YTHDC1: variants seen among roughly 807,000 people sequenced by gnomAD.
YTHDC1 encodes YTH N6-methyladenosine RNA binding protein C1, also known as YTH domain-containing protein 1.
In YTHDC1, 12 loss-of-function variants were observed where a neutral mutation model predicts 107.0. That is an observed-to-expected ratio of 0.11 (90% CI 0.07 to 0.18). YTHDC1 has a LOEUF of 0.18. Ranked by LOEUF, YTHDC1 falls within the 10% of genes least tolerant of loss-of-function variation. YTHDC1 has a pLI of 1.00. For missense variants in YTHDC1, 635 were observed against 898.8 expected, an observed-to-expected ratio of 0.71 and a Z score of 3.75; for synonymous variants, 280 against 289.5, an observed-to-expected ratio of 0.97 and a Z score of 0.33.
chr4:68,318,574 T>C lies in YTHDC1; in HGVS notation c.1769A>G (p.Asn590Ser), dbSNP rs1242869594. The change falls in exon 15 of 17, where the codon AAT becomes AGT. Residue 590 changes from asparagine to serine, a missense_variant. This residue lies in a region of YTHDC1 where 256 missense variants were observed against 372.9 expected (regional missense o/e 0.69). Coordinates refer to ENST00000344157, the MANE Select transcript of YTHDC1 (RefSeq NM_001031732.4). ...RRDVFLNGSY[N>S]DYVREFHNMG... ...GTTATGAAATTCCCTCACATAATCA[T>C]TGTAGGACTAAAATAAAAGATGATA... 2.5e-6 allele frequency: 4 copies of C among 1,612,944 alleles called. No homozygotes were observed. Among genetic ancestry groups the C allele is most frequent in the Non-Finnish European group, 3.4e-6 (4 of 1,179,554 alleles).
chr4:68,322,645 TTC>T lies in YTHDC1; in HGVS notation c.1601+102_1601+103del, dbSNP rs1169414896. On this transcript the variant is annotated intron_variant, in intron 11 of 16. Transcript: ENST00000344157. The surrounding 1 kb of genome is among the most constrained non-coding windows in gnomAD (Gnocchi z 4.8). ...GTCCATGCAGCTTGATTTGAGGATTTTCTCTTTCTTCTTTACCGCAGGACAAA... is the reference window on the plus strand; with the variant it reads ...GTCCATGCAGCTTGATTTGAGGATTTTCTTTCTTCTTTACCGCAGGACAAA... 2.6e-5 allele frequency: 35 copies of T among 1,371,840 alleles called. No homozygotes were observed. Among genetic ancestry groups the T allele is most frequent in the Non-Finnish European group, 3.0e-5 (31 of 1,022,256 alleles). 85.0% of individuals were successfully genotyped at this position (1,371,840 alleles called of 1,614,324 possible).
intron 5 of YTHDC1, 117 bp from the exon 6 acceptor site, chr4:68,332,964 C>A: frequency 9.6e-6 from 8 of 832,146 alleles, no homozygotes; most frequent in South Asian, 1.7e-5. Context: ...CCTGGCGCAC[C>A]CACACACACA....
chr4:68,340,315 T>C (rs1345914230), intron 1 of YTHDC1, among the ~76,000 whole-genome samples: 3 of 152,080 alleles, frequency 2.0e-5, no homozygotes, highest in Non-Finnish European at 4.4e-5. Flanking sequence ...AAAATTACTA[T>C]GTCTGGAATA....
chr4:68,350,017 G>A lies in YTHDC1; in HGVS notation c.-264C>T, dbSNP rs1316514196. ...TCGGGCTAGGTATGGGGGAGGGAAG[G>A]GAAACAGATGGCGACGGCGGGCGGC... On this transcript the variant is annotated 5_prime_UTR_variant, in exon 1 of 17. Coordinates refer to ENST00000344157, the MANE Select transcript of YTHDC1 (RefSeq NM_001031732.4). 1.2e-5 allele frequency: 7 copies of A among 564,926 alleles called. No homozygotes were observed. Among genetic ancestry groups the A allele is most frequent in the South Asian group, 4.5e-5 (2 of 44,894 alleles). The allele number at this position is 564,926 out of a possible 1,614,324, so 35.0% of individuals were successfully genotyped here.
intron 1 of YTHDC1, 101 bp downstream of exon 1, chr4:68,349,625 T>TG: frequency 2.5e-6 from 1 of 402,658 alleles, no homozygotes; most frequent in Non-Finnish European, 4.9e-6. Context: ...CCAGCTAACC[T>TG]CCCCAACCCC....
At chr4:68,318,642 T>G in intron 14 of YTHDC1, 48 bp downstream of exon 14, 1 of 1,610,070 alleles carries the variant, frequency 6.2e-7, no homozygotes, top group Non-Finnish European at 8.5e-7. Flanking sequence ...GCAAAATAAA[T>G]CAGAGCCTGA....
chr4:68,349,527 G>T (rs898833587), intron 1 of YTHDC1, among the ~76,000 whole-genome samples, 199 bp downstream of exon 1: 1 of 151,932 alleles, frequency 6.6e-6, no homozygotes, highest in Non-Finnish European at 1.5e-5. Context: ...TGAAGTGCTA[G>T]GCCATATGGA....
Position 68,337,784 on chromosome 4 carries a change from T to G in YTHDC1, c.247A>C (p.Arg83=). 9 of 1,614,176 alleles carry G rather than the reference T, an allele frequency of 5.6e-6. No individual in the cohort carries two copies. The highest frequency in any genetic ancestry group is 7.6e-6 in the Non-Finnish European group (9 of 1,180,034). The change falls in exon 3 of 17, where the codon AGA becomes CGA. Residue 83 remains arginine (R), a synonymous_variant. Transcript: ENST00000344157. ...GACTTTCCTTTTGTACTAACTATTC[T>G]TTTGTTATTGCTAACAGATGAGCTC... ...PLSSSVSNNK[R]IVSTKGKSAT... is the part of the protein sequence containing the mutation.
chr4:68,330,131 A>G lies in YTHDC1; in HGVS notation c.1232-12T>C, dbSNP rs771526054. 2.1e-5 allele frequency: 33 copies of G among 1,601,656 alleles called. No individual in the cohort carries two copies. The highest frequency in any genetic ancestry group is 2.4e-5 in the Non-Finnish European group (28 of 1,170,212). ...AAGTCTTGCAAACCCTAAGAGAATCATATCATAATATAATATGTAGATGCT... is the reference window on the plus strand; with the variant it reads ...AAGTCTTGCAAACCCTAAGAGAATCGTATCATAATATAATATGTAGATGCT... On this transcript the variant is annotated splice_polypyrimidine_tract_variant and intron_variant, in intron 8 of 16. Transcript: ENST00000344157.
At chr4:68,319,968 C>A (rs1489533774) in intron 12 of YTHDC1, among the ~76,000 whole-genome samples, 155 bp downstream of exon 12, 3 of 152,086 alleles carry the variant, frequency 2.0e-5, no homozygotes, top group African/African-American at 4.8e-5. Context: ...AAGAATTACA[C>A]TAATGAGAAC....
At position 68,312,011 on chromosome 4, in the gene YTHDC1, G is replaced by C. The variant is rs1721343693; in HGVS notation, c.*2088C>G. 1 of 152,158 alleles carries C rather than the reference G, an allele frequency of 6.6e-6. No homozygotes were observed. The highest frequency in any genetic ancestry group is 1.9e-4 in the East Asian group (1 of 5,184). 9.4% of individuals were successfully genotyped at this position (152,158 alleles called of 1,614,324 possible). On this transcript the variant is annotated 3_prime_UTR_variant, in exon 17 of 17. Coordinates refer to ENST00000344157, the MANE Select transcript of YTHDC1 (RefSeq NM_001031732.4). ...AAATTACAAAAATTAGCGGGGTGTG[G>C]TGGTGGGTGCCTGTAGTCCCAGCCA...
rs147602142 is a variant in YTHDC1 at position 68,337,708 on chromosome 4, C to A, written c.323G>T (p.Arg108Leu). The A allele has an allele frequency of 6.2e-7, 1 of 1,613,930 alleles. No homozygotes were observed. Among genetic ancestry groups the A allele is most frequent in the Non-Finnish European group, 8.5e-7 (1 of 1,180,024 alleles). ...EEYQRSERNK[R>L]LDADRKIRLS... ...ACGAATTTTCCGATCAGCATCTAGA[C>A]GCTTGTTTCTTTCAGATCTTTGATA... Residue 108 changes from arginine to leucine, a missense_variant, in exon 3 of 17, where the codon CGT (arginine) becomes CTT (leucine). This residue lies in a region of YTHDC1 where 294 missense variants were observed against 312.3 expected (regional missense o/e 0.94). Transcript: ENST00000344157.
chr4:68,324,037 T>C (rs1560479459), intron 10 of YTHDC1, 102 bp downstream of exon 10: 1 of 980,998 alleles, frequency 1.0e-6, no homozygotes, highest in South Asian at 1.7e-5. Context: ...AATTCTCACG[T>C]GGTCTCTTTC....
intron 1 of YTHDC1, among the ~76,000 whole-genome samples, chr4:68,342,647 T>C (rs1724967183): frequency 6.6e-6 from 1 of 152,210 alleles, no homozygotes; most frequent in South Asian, 2.1e-4. Flanking sequence ...TTAAAGCTTA[T>C]AGTATTAAGT....
At chr4:68,315,065 G>C (rs771653467) in intron 16 of YTHDC1, among the ~76,000 whole-genome samples, 17 of 152,084 alleles carry the variant, frequency 1.1e-4, no homozygotes, top group Non-Finnish European at 1.8e-4. Flanking sequence ...TGTTAAAAAG[G>C]ATATAGTTGA....
At chr4:68,320,014 T>G in intron 12 of YTHDC1, 109 bp downstream of exon 12, 1 of 913,050 alleles carries the variant, frequency 1.1e-6, no homozygotes, top group Non-Finnish European at 1.6e-6. Flanking sequence ...AGTCAGGTCC[T>G]GAATTTTTTT....
chr4:68,332,241 T>C, intron 6 of YTHDC1, 44 bp from the exon 7 acceptor site: 1 of 1,380,070 alleles, frequency 7.2e-7, no homozygotes, highest in Non-Finnish European at 1.0e-6. Flanking sequence ...CAAGCCATTA[T>C]CACACAAAGG....
At chr4:68,314,888 C>A (rs1017868236) in intron 16 of YTHDC1, among the ~76,000 whole-genome samples, 13 of 152,192 alleles carry the variant, frequency 8.5e-5, no homozygotes, top group Non-Finnish European at 7.3e-5. Context: ...AAACTTTCTA[C>A]TCTTAGTTCT....
At chr4:68,327,090 G>C (rs1723072788) in intron 9 of YTHDC1, among the ~76,000 whole-genome samples, 1 of 151,714 alleles carries the variant, frequency 6.6e-6, no homozygotes, top group Non-Finnish European at 1.5e-5. Flanking sequence ...TAAAAAATTA[G>C]CCGGGCGTGG....
Sources: allele counts gnomAD v4.1 joint callset (sites outside exome capture counted in the v4.1 genomes callset), GRCh38; gene constraint gnomAD v4.1.1; regional missense constraint gnomAD v4.1.1; non-coding constraint Gnocchi (gnomAD v3.1); transcripts MANE v1.5; gene names NCBI Gene and HGNC (gene_info 2026-07-23, HGNC 2026-07-21).